LRRFIP2: variants seen among roughly 807,000 people sequenced by gnomAD.
The protein encoded by LRRFIP2 is LRR binding FLII interacting protein 2.
Under a neutral mutation model 125.9 loss-of-function variants are expected in LRRFIP2, and 109 were observed. The observed-to-expected ratio is 0.87, with a 90% confidence interval of 0.74 to 1.01. LRRFIP2 has a LOEUF of 1.01. LRRFIP2 is among the 50% of genes least tolerant of loss of function. LRRFIP2 has a pLI of 0.00. For missense variants in LRRFIP2, 850 were observed against 862.3 expected, an observed-to-expected ratio of 0.99 and a Z score of 0.18; for synonymous variants, 291 against 293.1, an observed-to-expected ratio of 0.99 and a Z score of 0.07.
At chr3:37,140,819 T>G (rs2149873649) in intron 2 of LRRFIP2, among the ~76,000 whole-genome samples, 1 of 152,270 alleles carries the variant, frequency 6.6e-6, no homozygotes, top group East Asian at 1.9e-4. Flanking sequence ...GTCCTTCCTC[T>G]TTTCTATCCT....
chr3:37,149,120 G>C, intron 1 of LRRFIP2, 82 bp from the exon 2 acceptor site: 1 of 1,165,986 alleles, frequency 8.6e-7, no homozygotes, highest in Admixed American at 3.1e-5. Flanking sequence ...TTTTAACAGA[G>C]AAATTAGTCA....
In LRRFIP2 at chr3:37,129,059, T is replaced by A. The variant is rs2095358785; in HGVS notation, c.177+4A>T. 6.2e-7 allele frequency: 1 copy of A among 1,613,668 alleles called. No homozygotes were observed. The highest frequency in any genetic ancestry group is 8.5e-7 in the Non-Finnish European group (1 of 1,179,694). Reference sequence around the variant, plus strand: ...ATGAAATTAGGGTTATTCCCTCAAATTACCTCTTTTTGTTGTCGTTCCAGT... The same window carrying A: ...ATGAAATTAGGGTTATTCCCTCAAAATACCTCTTTTTGTTGTCGTTCCAGT... On this transcript the variant is annotated splice_donor_region_variant and intron_variant, in intron 3 of 27. Coordinates refer to ENST00000336686, the MANE Select transcript of LRRFIP2 (RefSeq NM_006309.4).
At chr3:37,076,895 A>G (rs1447864774) in intron 19 of LRRFIP2, among the ~76,000 whole-genome samples, 3 of 152,134 alleles carry the variant, frequency 2.0e-5, no homozygotes, top group Admixed American at 2.0e-4. Flanking sequence ...AACTAGAAAG[A>G]AAGAAAACAC....
At chr3:37,058,754 A>G in intron 25 of LRRFIP2, 36 bp downstream of exon 25, 1 of 1,613,162 alleles carries the variant, frequency 6.2e-7, no homozygotes, top group East Asian at 2.2e-5. Context: ...CACAGTCTAT[A>G]TACAGACTGG....
At chr3:37,059,008 C>T in intron 24 of LRRFIP2, 98 bp from the exon 25 acceptor site, 2 of 1,463,218 alleles carry the variant, frequency 1.4e-6, no homozygotes, top group South Asian at 1.2e-5. Flanking sequence ...AGACCCTTAT[C>T]GTATCAGCCA....
intron 2 of LRRFIP2, among the ~76,000 whole-genome samples, chr3:37,138,996 T>C (rs559098083): frequency 6.6e-6 from 1 of 152,314 alleles, no homozygotes; most frequent in African/African-American, 2.4e-5. Flanking sequence ...TGTGATACCA[T>C]GACAGTCAAC....
At chr3:37,065,620 C>G (rs1428963603) in intron 23 of LRRFIP2, 190 bp downstream of exon 23, 1 of 730,960 alleles carries the variant, frequency 1.4e-6, no homozygotes, top group East Asian at 2.7e-5. Flanking sequence ...CTTACAGTGA[C>G]CCAGATGCTG....
At chr3:37,127,101 A>T (rs759299517) in intron 4 of LRRFIP2, among the ~76,000 whole-genome samples, 13 of 151,124 alleles carry the variant, frequency 8.6e-5, no homozygotes, top group Non-Finnish European at 1.6e-4. Flanking sequence ...GACAGTGGGG[A>T]ACTTACCAAG....
chr3:37,090,672 T>C (rs1391107344), intron 18 of LRRFIP2, among the ~76,000 whole-genome samples: 3 of 152,224 alleles, frequency 2.0e-5, no homozygotes, highest in Non-Finnish European at 4.4e-5. Flanking sequence ...ACAACCAAAC[T>C]GTCTGCCTCA....
chr3:37,133,268 C>A (rs1003572852), intron 2 of LRRFIP2, among the ~76,000 whole-genome samples: 1 of 152,068 alleles, frequency 6.6e-6, no homozygotes, highest in Non-Finnish European at 1.5e-5. Flanking sequence ...CTAAAACACA[C>A]AATTACCATT....
At chr3:37,081,864 G>T (rs2092671234) in intron 19 of LRRFIP2, among the ~76,000 whole-genome samples, 3 of 147,460 alleles carry the variant, frequency 2.0e-5, no homozygotes, top group South Asian at 4.3e-4. Context: ...TCCAGCCTGG[G>T]CTACAGAGTG....
At chr3:37,082,151 A>C (rs2092697789) in intron 19 of LRRFIP2, among the ~76,000 whole-genome samples, 1 of 152,172 alleles carries the variant, frequency 6.6e-6, no homozygotes, top group Non-Finnish European at 1.5e-5. Flanking sequence ...GACAGATAAG[A>C]AAAAATGTGT....
At chr3:37,175,983 A>C (rs2096657591), upstream of LRRFIP2, 1 of 152,162 alleles carries the variant, frequency 6.6e-6, no homozygotes, top group Non-Finnish European at 1.5e-5. Context: ...ATCCCACGGG[A>C]CTGCGGAGGC....
chr3:37,117,164 C>A lies in LRRFIP2; in HGVS notation c.331-2069G>T, dbSNP rs1443683770. Among the ~76,000 whole-genome samples, 3 of 149,798 alleles carry A rather than the reference C, an allele frequency of 2.0e-5. No individual in the cohort carries two copies. In the South Asian group the frequency reaches 6.3e-4, roughly 32 times the overall value. ...AAACCTCCATGACCAAAACATATTA[C>A]TCAAGTCACACATTCTAGCAGATAA... On this transcript the variant is annotated intron_variant, in intron 6 of 27. Transcript: ENST00000336686.
intron 2 of LRRFIP2, among the ~76,000 whole-genome samples, chr3:37,129,698 T>C (rs1256260209): frequency 6.6e-6 from 1 of 152,196 alleles, no homozygotes; most frequent in Admixed American, 6.5e-5. Flanking sequence ...ACTATTTAAA[T>C]GTATACAATT....
intron 9 of LRRFIP2, among the ~76,000 whole-genome samples, chr3:37,110,116 G>A (rs2094496356): frequency 6.6e-6 from 1 of 152,068 alleles, no homozygotes; most frequent in African/African-American, 2.4e-5. Context: ...ACTCCTAATT[G>A]GCTTAGACTG....
Position 37,111,049 on chromosome 3 carries a change from T to C in LRRFIP2, c.455A>G (p.Asp152Gly). The change falls in exon 9 of 28, where the codon GAC becomes GGC. Residue 152 changes from aspartate to glycine, a missense_variant. Physicochemically the swap from Asp to Gly is moderately conservative, Grantham distance 94 (BLOSUM62 -1). Coordinates refer to ENST00000336686, the MANE Select transcript of LRRFIP2 (RefSeq NM_006309.4). ...TCTAAGACTGCTATAGTTTCTCTGG[T>C]CAAAGTAGAGGCCACTCTGCAAAAA... ...HKDLLSGLYFDQRNYSSLRHS... is the reference protein window; with the variant it reads ...HKDLLSGLYFGQRNYSSLRHS... 6.2e-7 allele frequency: 1 copy of C among 1,613,724 alleles called. No homozygotes were observed. Among genetic ancestry groups the C allele is most frequent in the East Asian group, 2.2e-5 (1 of 44,776 alleles).
intron 4 of LRRFIP2, among the ~76,000 whole-genome samples, chr3:37,125,648 G>A (rs2095245388): frequency 6.6e-6 from 1 of 152,128 alleles, no homozygotes; most frequent in African/African-American, 2.4e-5. Context: ...CTCAAAGTTG[G>A]ACTCATTTCT....
chr3:37,122,154 G>A (rs2095080928), intron 4 of LRRFIP2, among the ~76,000 whole-genome samples: 1 of 143,426 alleles, frequency 7.0e-6, no homozygotes, highest in Non-Finnish European at 1.5e-5. Context: ...ACCTATGAGT[G>A]AGAACACGCG....
Sources: allele counts gnomAD v4.1 joint callset (sites outside exome capture counted in the v4.1 genomes callset), GRCh38; gene constraint gnomAD v4.1.1; transcripts MANE v1.5; gene names NCBI Gene and HGNC (gene_info 2026-07-23, HGNC 2026-07-21).